Variants in RPH3A observed in about 807,000 individuals in gnomAD.
The protein encoded by RPH3A is rabphilin-3A.
RPH3A carries 48 observed loss-of-function variants against 102.2 expected under a neutral mutation model. That is an observed-to-expected ratio of 0.47 (90% CI 0.37 to 0.60). The LOEUF is 0.60. Ranked by LOEUF, RPH3A falls within the 20% of genes least tolerant of loss-of-function variation. RPH3A has a pLI of 0.00. For synonymous variants in RPH3A, 310 were observed against 324.3 expected (o/e 0.96, Z 0.47); for missense variants, 781 against 910.1 (o/e 0.86, Z 1.83).
At chr12:112,852,259 T>TTGCC (rs1212320174) in intron 5 of RPH3A, among the ~76,000 whole-genome samples, 3 of 152,222 alleles carry the variant, frequency 2.0e-5, no homozygotes, top group Admixed American at 1.3e-4. Context: ...AAGATAGGTG[T>TTGCC]TGCCTGGTCT....
At chr12:112,747,084 G>C (rs142428395) in intron 1 of RPH3A, among the ~76,000 whole-genome samples, 4 of 152,102 alleles carry the variant, frequency 2.6e-5, no homozygotes, top group African/African-American at 9.7e-5. Context: ...CAAGAGCAAG[G>C]ATTTTTGTCT....
At chr12:112,611,634 G>A (rs920603189) in intron 1 of RPH3A, among the ~76,000 whole-genome samples, 1 of 151,992 alleles carries the variant, frequency 6.6e-6, no homozygotes, top group Non-Finnish European at 1.5e-5. Flanking sequence ...AGATTGGGAG[G>A]GGGGGTTCAC....
intron 8 of RPH3A, chr12:112,869,141 A>G (rs986286882): frequency 3.3e-5 from 5 of 153,318 alleles, no homozygotes; most frequent in African/African-American, 1.2e-4. Flanking sequence ...AACAGTAAAA[A>G]TTTTAAAAAG....
At chr12:112,655,366 T>C (rs2040003592) in intron 1 of RPH3A, among the ~76,000 whole-genome samples, 1 of 152,172 alleles carries the variant, frequency 6.6e-6, no homozygotes, top group Admixed American at 6.6e-5. Context: ...TCATGAATTG[T>C]TTAAACCACC....
chr12:112,870,820 G>T (rs1440932005), intron 10 of RPH3A, among the ~76,000 whole-genome samples: 4 of 152,092 alleles, frequency 2.6e-5, no homozygotes, highest in Non-Finnish European at 5.9e-5. Context: ...ACCTCCCCCC[G>T]ACAATGAACC....
intron 2 of RPH3A, 36 bp from the exon 3 acceptor site, chr12:112,828,265 A>C (rs978494910): frequency 5.6e-6 from 8 of 1,428,484 alleles, no homozygotes; most frequent in African/African-American, 1.4e-5. Context: ...TGGCTGAATG[A>C]TGGGGTGATG....
At chr12:112,729,363 T>G (rs2040617505) in intron 1 of RPH3A, among the ~76,000 whole-genome samples, 1 of 152,198 alleles carries the variant, frequency 6.6e-6, no homozygotes, top group Non-Finnish European at 1.5e-5. Flanking sequence ...TTTTGCATTT[T>G]TTTGTAGAGA....
chr12:112,811,201 T>C lies in RPH3A; in HGVS notation c.-18-17100T>C, dbSNP rs140260843. Among the ~76,000 whole-genome samples the C allele has an allele frequency of 6.6e-4, 101 of 152,336 alleles. 2 individuals carry two copies. In the South Asian group the frequency reaches 8.1e-3, roughly 12 times the overall value. ...TTCTGTTTAAAGATACCTCATTTAA[T>C]ACATTACTGATTCCATTAACAGGCT... On this transcript the variant is annotated intron_variant, in intron 2 of 21. Coordinates refer to ENST00000389385, the MANE Select transcript of RPH3A (RefSeq NM_001143854.2).
At chr12:112,727,856 C>T (rs1348747542) in intron 1 of RPH3A, among the ~76,000 whole-genome samples, 1 of 152,104 alleles carries the variant, frequency 6.6e-6, no homozygotes, top group African/African-American at 2.4e-5. Context: ...TTGTTCACAA[C>T]CAAAGAATGT....
chr12:112,875,241 T>C (rs1342553633), intron 11 of RPH3A, 71 bp downstream of exon 11: 3 of 1,196,222 alleles, frequency 2.5e-6, no homozygotes, highest in Non-Finnish European at 1.2e-6. Flanking sequence ...CTCCCATCCC[T>C]GCTTGCAGAG....
intron 2 of RPH3A, among the ~76,000 whole-genome samples, chr12:112,798,631 A>G (rs61942340): frequency 7.9e-5 from 12 of 151,988 alleles, no homozygotes; most frequent in Non-Finnish European, 1.8e-4. Flanking sequence ...GGTCCGCTCC[A>G]TTGCACATCT....
At chr12:112,810,337 CT>C (rs1279394497) in intron 2 of RPH3A, among the ~76,000 whole-genome samples, 3 of 152,220 alleles carry the variant, frequency 2.0e-5, no homozygotes, top group Non-Finnish European at 4.4e-5. Context: ...CCACTTGCAA[CT>C]ACCCCTCACT....
intron 1 of RPH3A, among the ~76,000 whole-genome samples, chr12:112,663,721 A>G (rs1345284857): frequency 6.6e-6 from 1 of 152,102 alleles, no homozygotes; most frequent in African/African-American, 2.4e-5. Flanking sequence ...TGTCATTCAA[A>G]ATCAGGAGTC....
chr12:112,637,034 T>G (rs1188340937), intron 1 of RPH3A, among the ~76,000 whole-genome samples: 1 of 152,072 alleles, frequency 6.6e-6, no homozygotes, highest in Admixed American at 6.6e-5. Context: ...TCTAGCCCCC[T>G]CCTCCTCCTA....
intron 1 of RPH3A, among the ~76,000 whole-genome samples, chr12:112,754,245 C>T (rs1488147220): frequency 6.6e-6 from 1 of 152,186 alleles, no homozygotes; most frequent in Non-Finnish European, 1.5e-5. Flanking sequence ...CTTTGAGCCT[C>T]AGTTTATCAT....
intron 5 of RPH3A, among the ~76,000 whole-genome samples, chr12:112,862,244 C>G (rs774877451): frequency 4.3e-4 from 64 of 149,522 alleles, no homozygotes; most frequent in Non-Finnish European, 6.7e-4. Context: ...AGTCCCCCCC[C>G]CAAAAAAAAA....
chr12:112,659,721 G>A (rs2040036723), intron 1 of RPH3A, among the ~76,000 whole-genome samples: 1 of 152,160 alleles, frequency 6.6e-6, no homozygotes. Flanking sequence ...CTATCCATCA[G>A]TTGATCACTG....
intron 1 of RPH3A, among the ~76,000 whole-genome samples, chr12:112,755,211 A>G (rs555235372): frequency 6.6e-5 from 10 of 152,112 alleles, no homozygotes; most frequent in Admixed American, 4.6e-4. Flanking sequence ...ACTTCTCCCC[A>G]GTCACCTAGT....
intron 1 of RPH3A, among the ~76,000 whole-genome samples, chr12:112,720,702 C>A (rs2040544709): frequency 6.6e-6 from 1 of 152,116 alleles, no homozygotes; most frequent in African/African-American, 2.4e-5. Context: ...TTGGTACTGG[C>A]AAAATTTAAA....
Sources: gnomAD v4.1 joint callset for allele counts (sites outside exome capture counted in the v4.1 genomes callset) on GRCh38, gnomAD v4.1.1 for gene constraint, MANE v1.5 for transcripts, NCBI Gene and HGNC (gene_info 2026-07-23, HGNC 2026-07-21) for gene names.